SFI1: variants seen among roughly 807,000 people sequenced by gnomAD.
SFI1 encodes SFI1 centrin binding protein.
SFI1 carries 195 observed loss-of-function variants against 207.5 expected under a neutral mutation model. That is an observed-to-expected ratio of 0.94 (90% confidence interval 0.84 to 1.06). The LOEUF is 1.06. Among genes scored for constraint, SFI1 ranks in the 50% least tolerant of loss-of-function variants. The probability of loss-of-function intolerance (pLI) is 0.00; values close to 1 mark genes in which losing one functional copy is unlikely to be tolerated. For synonymous variants in SFI1, 630 were observed against 598.9 expected (o/e 1.05, Z -0.76); for missense variants, 1,634 against 1,588.0 (o/e 1.03, Z -0.49).
chr22:31,603,840 G>A, intron 18 of SFI1, 21 bp downstream of exon 18: 1 of 1,573,598 alleles, frequency 6.4e-7, no homozygotes, highest in Non-Finnish European at 8.6e-7. Context: ...GGTGCGAGGT[G>A]CCACCCGTGT....
In SFI1 at chr22:31,613,517, A is replaced by G. The variant is rs1215557078; in HGVS notation, c.2729A>G (p.Gln910Arg). Residue 910 changes from glutamine to arginine, a missense_variant, in exon 26 of 33, where the codon CAG becomes CGG. Transcript: ENST00000400288. ...MKASRQQLQA[Q>R]QQVQAAHSLH... The stretch of plus-strand genomic sequence containing the variant: ...GCCTCCCGGCAGCAGCTGCAGGCCC[A>G]GCAGCAGGTCCAGGTAGGCCCAGGG... The G allele has an allele frequency of 1.3e-6, 2 of 1,591,918 alleles. No homozygotes were observed. Among genetic ancestry groups the G allele is most frequent in the Admixed American group, 1.7e-5 (1 of 58,730 alleles).
chr22:31,503,584 G>GT (rs34588094), intron 1 of SFI1, among the ~76,000 whole-genome samples: 5,745 of 94,474 alleles, frequency 0.061, 237 homozygotes, highest in African/African-American at 0.068. Flanking sequence ...TTCTTGGACT[G>GT]TTTTTTTTTT....
intron 4 of SFI1, among the ~76,000 whole-genome samples, chr22:31,541,335 C>T (rs1296744094): frequency 6.6e-6 from 1 of 152,154 alleles, no homozygotes; most frequent in Non-Finnish European, 1.5e-5. Context: ...CTCCTATTCT[C>T]TTGGTCTTTT....
intron 2 of SFI1, among the ~76,000 whole-genome samples, chr22:31,524,698 A>AT (rs59764922): frequency 0.048 from 6,624 of 137,442 alleles, 513 homozygotes; most frequent in African/African-American, 0.16. Flanking sequence ...TTTTAATTGG[A>AT]TTTTTTTTTT....
intron 15 of SFI1, 116 bp downstream of exon 15, chr22:31,589,693 C>T (rs1443377461): frequency 2.0e-5 from 23 of 1,125,410 alleles, no homozygotes; most frequent in Non-Finnish European, 2.8e-5. Context: ...CTAGTACTTC[C>T]TGGATTTTCA....
chr22:31,610,550 A>G (rs140881136), intron 22 of SFI1, among the ~76,000 whole-genome samples: 1 of 152,342 alleles, frequency 6.6e-6, no homozygotes, highest in African/African-American at 2.4e-5. Flanking sequence ...AAGTTCTCTC[A>G]GGGCCTAAGA....
At chr22:31,607,907 ACT>A (rs776180768) in intron 21 of SFI1, 28 bp from the exon 22 acceptor site, 10 of 1,604,642 alleles carry the variant, frequency 6.2e-6, no homozygotes, top group South Asian at 4.4e-5. Flanking sequence ...AGGTATAGTG[ACT>A]CTTGCTGTGC....
At chr22:31,594,320 C>T (rs535938454) in intron 15 of SFI1, among the ~76,000 whole-genome samples, 4 of 152,050 alleles carry the variant, frequency 2.6e-5, no homozygotes, top group East Asian at 3.9e-4. Flanking sequence ...GAGGCCGGAG[C>T]GGGCGGATCA....
intron 4 of SFI1, among the ~76,000 whole-genome samples, chr22:31,532,012 G>T (rs945955366): frequency 3.3e-5 from 5 of 151,970 alleles, no homozygotes; most frequent in African/African-American, 1.2e-4. Flanking sequence ...GGTGAGCCGA[G>T]ATCGCGCCAT....
At chr22:31,573,249 A>G (rs768046042) in intron 9 of SFI1, 35 bp downstream of exon 9, 31 of 1,606,906 alleles carry the variant, frequency 1.9e-5, no homozygotes, top group Non-Finnish European at 2.5e-5. Context: ...GAGATAGAGG[A>G]TCTGGTCACA....
At chr22:31,511,238 A>G (rs1245632514) in intron 2 of SFI1, among the ~76,000 whole-genome samples, 1 of 152,100 alleles carries the variant, frequency 6.6e-6, no homozygotes, top group Non-Finnish European at 1.5e-5. Flanking sequence ...GTAATCAACT[A>G]GGACTTGGAG....
rs943700040 is a variant in SFI1, at chr22:31,589,488, C to T, written c.1455C>T (p.Ala485=). ...ARADGHFQQR[A]LPAAFHTWNR... is the part of the protein sequence containing the mutation. ...CGGATGGTCATTTCCAGCAGAGAGC[C>T]CTGCCTGCTGCCTTCCACACATGGA... Residue 485 remains alanine (A), a synonymous_variant, in exon 15 of 33, where the codon GCC becomes GCT. Coordinates refer to ENST00000400288, the MANE Select transcript of SFI1 (RefSeq NM_001007467.3). The T allele has an allele frequency of 6.2e-7, 1 of 1,613,916 alleles. No homozygotes were observed. The highest frequency in any genetic ancestry group is 1.7e-5 in the Admixed American group (1 of 59,938).
At chr22:31,586,211 T>G (rs574687950) in intron 14 of SFI1, among the ~76,000 whole-genome samples, 1 of 152,074 alleles carries the variant, frequency 6.6e-6, no homozygotes, top group South Asian at 2.1e-4. Flanking sequence ...TATTTCACAC[T>G]CCCTTCCAGC....
At chr22:31,524,384 GTCT>G (rs1329423526) in intron 2 of SFI1, among the ~76,000 whole-genome samples, 1 of 151,752 alleles carries the variant, frequency 6.6e-6, no homozygotes, top group Non-Finnish European at 1.5e-5. Context: ...CCATTTGTAT[GTCT>G]TCTTTTGAGA....
rs773904299 is a variant in SFI1 at position 31,573,039 on chromosome 22, C to A, written c.766-19C>A. On this transcript the variant is annotated intron_variant, in intron 8 of 32. Coordinates refer to ENST00000400288, the MANE Select transcript of SFI1 (RefSeq NM_001007467.3). ...TTTCCTGCCTCTCCTTTGACTGTTG[C>A]CTCTTCTCTGGTTTTCAGGCTTGGT... The A allele has an allele frequency of 6.2e-7, 1 of 1,611,488 alleles. No homozygotes were observed. The highest frequency in any genetic ancestry group is 1.3e-5 in the African/African-American group (1 of 74,968).
At chr22:31,611,117 C>G (rs1209732648) in intron 22 of SFI1, 26 bp from the exon 23 acceptor site, 1 of 1,614,152 alleles carries the variant, frequency 6.2e-7, no homozygotes, top group East Asian at 2.2e-5. Context: ...CACAAAACAG[C>G]AAACTCTGAC....
chr22:31,594,685 C>G (rs1388190210), intron 15 of SFI1, among the ~76,000 whole-genome samples: 2 of 151,106 alleles, frequency 1.3e-5, no homozygotes, highest in African/African-American at 4.9e-5. Flanking sequence ...GAAACCCTGT[C>G]TCTGCTAAAA....
chr22:31,589,685 A>G (rs2065556427), intron 15 of SFI1, 108 bp downstream of exon 15: 2 of 1,225,942 alleles, frequency 1.6e-6, no homozygotes, highest in African/African-American at 3.1e-5. Context: ...CCCAGGCCCT[A>G]GTACTTCCTG....
chr22:31,594,000 GAGGGA>G (rs2066634191), intron 15 of SFI1, among the ~76,000 whole-genome samples: 3 of 86,826 alleles, frequency 3.5e-5, no homozygotes, highest in Admixed American at 2.2e-4. Flanking sequence ...GGGAGAGGGA[GAGGGA>G]CAGGGAGAGG....
Sources: gnomAD v4.1 joint callset for allele counts (sites outside exome capture counted in the v4.1 genomes callset) on GRCh38, gnomAD v4.1.1 for gene constraint, MANE v1.5 for transcripts, NCBI Gene and HGNC (gene_info 2026-07-23, HGNC 2026-07-21) for gene names.